Variants in ZNF407 observed in about 807,000 individuals in gnomAD.
ZNF407 encodes the protein zinc finger protein 407.
In ZNF407, 17 loss-of-function variants were observed where a neutral mutation model predicts 131.2. That is an observed-to-expected ratio of 0.13 (90% CI 0.09 to 0.19). ZNF407 has a LOEUF of 0.19. ZNF407 is among the 10% of genes least tolerant of loss of function. The pLI is 1.00. For missense variants in ZNF407, 2,681 were observed against 2,830.6 expected (o/e 0.95, Z 1.20); for synonymous variants, 1,156 against 1,062.0 (o/e 1.09, Z -1.72).
chr18:74,940,294 T>G (rs1972082347), intron 8 of ZNF407, among the ~76,000 whole-genome samples: 1 of 152,054 alleles, frequency 6.6e-6, no homozygotes, highest in Admixed American at 6.6e-5. Context: ...CATAACAGAA[T>G]AGGAGCTTTG....
At chr18:74,844,518 G>A (rs1438908596) in intron 4 of ZNF407, among the ~76,000 whole-genome samples, 1 of 151,872 alleles carries the variant, frequency 6.6e-6, no homozygotes, top group East Asian at 1.9e-4. Flanking sequence ...ATCTAATAAT[G>A]GCTTTTTAAA....
chr18:75,046,900 C>G (rs963489531), intron 8 of ZNF407, among the ~76,000 whole-genome samples: 1 of 152,108 alleles, frequency 6.6e-6, no homozygotes, highest in East Asian at 1.9e-4. Context: ...ATATACTAGT[C>G]GAATTTAAGT....
At chr18:74,687,426 G>T (rs1967121319) in intron 3 of ZNF407, among the ~76,000 whole-genome samples, 1 of 152,276 alleles carries the variant, frequency 6.6e-6, no homozygotes, top group Non-Finnish European at 1.5e-5. Context: ...GGTGTAGCAT[G>T]AGGAAGGAGC....
intron 4 of ZNF407, among the ~76,000 whole-genome samples, chr18:74,791,390 GATTTA>G (rs767623634): frequency 1.3e-5 from 2 of 152,160 alleles, no homozygotes; most frequent in Non-Finnish European, 2.9e-5. Context: ...TTTCCATTGA[GATTTA>G]ATTTAATCCA....
chr18:74,624,282 A>G (rs903179777), intron 1 of ZNF407, among the ~76,000 whole-genome samples: 1 of 152,276 alleles, frequency 6.6e-6, no homozygotes, highest in South Asian at 2.1e-4. Flanking sequence ...AACTGTCCCA[A>G]TTGGATGATT....
At chr18:74,790,426 A>T (rs1300570505) in intron 4 of ZNF407, among the ~76,000 whole-genome samples, 1 of 152,176 alleles carries the variant, frequency 6.6e-6, no homozygotes, top group Non-Finnish European at 1.5e-5. Flanking sequence ...TTCCTTTTCT[A>T]CTACCATTTA....
chr18:74,878,782 C>A (rs1216412556), intron 5 of ZNF407, among the ~76,000 whole-genome samples: 1 of 151,652 alleles, frequency 6.6e-6, no homozygotes, highest in African/African-American at 2.4e-5. Flanking sequence ...TGAATGAACC[C>A]CCTCTAAATT....
chr18:74,755,761 C>CTTTCT (rs1968933460), intron 3 of ZNF407, among the ~76,000 whole-genome samples: 1 of 119,642 alleles, frequency 8.4e-6, no homozygotes, highest in African/African-American at 4.0e-5. Flanking sequence ...TTCTTTCTTT[C>CTTTCT]TTTCTTTCTT....
chr18:75,004,658 G>T (rs992219978), intron 8 of ZNF407, among the ~76,000 whole-genome samples: 3 of 152,198 alleles, frequency 2.0e-5, no homozygotes, highest in African/African-American at 7.2e-5. Flanking sequence ...CTGTTTTCCG[G>T]ATTTTCCAGG....
At chr18:74,847,802 T>G (rs1970722382) in intron 4 of ZNF407, among the ~76,000 whole-genome samples, 1 of 151,964 alleles carries the variant, frequency 6.6e-6, no homozygotes, top group Admixed American at 6.6e-5. Context: ...TTTTTGTCAT[T>G]TAAAAATAAT....
intron 1 of ZNF407, among the ~76,000 whole-genome samples, chr18:74,616,967 G>A (rs1451620702): frequency 0.33 from 1,128 of 3,430 alleles, 52 homozygotes; most frequent in African/African-American, 0.37. Flanking sequence ...CCATATCCAC[G>A]CACCACACAC....
intron 8 of ZNF407, among the ~76,000 whole-genome samples, chr18:74,955,074 T>C (rs995834770): frequency 3.6e-5 from 5 of 139,160 alleles, no homozygotes; most frequent in African/African-American, 1.3e-4. Context: ...ATGAAGTCAG[T>C]GTTTGAGGGG....
intron 8 of ZNF407, among the ~76,000 whole-genome samples, chr18:74,933,160 A>G (rs1034981893): frequency 2.6e-5 from 4 of 152,188 alleles, no homozygotes; most frequent in Admixed American, 1.3e-4. Flanking sequence ...CAACAGAAGA[A>G]TGGATCAACA....
At chr18:74,848,146 CTTA>C (rs1192430248) in intron 4 of ZNF407, among the ~76,000 whole-genome samples, 1 of 152,088 alleles carries the variant, frequency 6.6e-6, no homozygotes, top group Non-Finnish European at 1.5e-5. Context: ...GTTTTCCAGA[CTTA>C]TTATATATTT....
At chr18:74,764,872 A>C (rs1969192927) in intron 3 of ZNF407, among the ~76,000 whole-genome samples, 1 of 152,228 alleles carries the variant, frequency 6.6e-6, no homozygotes, top group Non-Finnish European at 1.5e-5. Context: ...GTTATTAAGA[A>C]AATCATAAGA....
intron 8 of ZNF407, among the ~76,000 whole-genome samples, chr18:75,009,003 C>G (rs774857243): frequency 2.0e-5 from 3 of 152,188 alleles, no homozygotes; most frequent in Non-Finnish European, 4.4e-5. Context: ...TTCTTCCATC[C>G]CAGGGACCCA....
At chr18:75,031,479 A>G (rs1973239435) in intron 8 of ZNF407, among the ~76,000 whole-genome samples, 1 of 152,164 alleles carries the variant, frequency 6.6e-6, no homozygotes, top group South Asian at 2.1e-4. Flanking sequence ...TCAAAATATT[A>G]ATTAGACTTT....
At chr18:75,062,462 CCT>C (rs1973648108) in intron 8 of ZNF407, 1 of 152,212 alleles carries the variant, frequency 6.6e-6, no homozygotes, top group African/African-American at 2.4e-5. Context: ...CCTCTCAGCC[CCT>C]GAGTGGCCAG....
intron 7 of ZNF407, chr18:74,905,484 C>T (rs1971583936): frequency 6.6e-6 from 1 of 152,254 alleles, no homozygotes; most frequent in African/African-American, 2.4e-5. Context: ...TGGACAGCCG[C>T]GTGACTTGGA....
Sources: allele counts gnomAD v4.1 joint callset (sites outside exome capture counted in the v4.1 genomes callset), GRCh38; gene constraint gnomAD v4.1.1; transcripts MANE v1.5; gene names NCBI Gene and HGNC (gene_info 2026-07-23, HGNC 2026-07-21).